The following SIRT2 variants were observed in gnomAD, a reference collection of about 807,000 sequenced individuals.
The protein encoded by SIRT2 is sirtuin 2.
SIRT2 carries 40 observed loss-of-function variants against 57.4 expected under a neutral mutation model. The ratio of observed to expected loss-of-function variants is 0.70; its 90% CI spans 0.54 to 0.91. The LOEUF (loss-of-function observed/expected upper bound fraction) is 0.91, where lower values mean the gene tolerates loss of function less well. Ranked by LOEUF, SIRT2 falls within the 40% of genes least tolerant of loss-of-function variation. SIRT2 has a pLI of 0.00. For missense variants in SIRT2, 439 were observed against 510.4 expected, an observed-to-expected ratio of 0.86 and a Z score of 1.35; for synonymous variants, 161 against 195.7, an observed-to-expected ratio of 0.82 and a Z score of 1.48.
chr19:38,895,040 C>T (rs967683527), intron 2 of SIRT2, among the ~76,000 whole-genome samples: 3 of 150,736 alleles, frequency 2.0e-5, no homozygotes, highest in African/African-American at 4.9e-5. Context: ...ACTGTCCCCC[C>T]CATCAGCCAG....
At position 38,880,447 on chromosome 19, in the gene SIRT2, T is replaced by A; in HGVS notation, c.876+238A>T. On this transcript the variant is annotated intron_variant, in intron 13 of 15. Coordinates refer to ENST00000249396, the MANE Select transcript of SIRT2 (RefSeq NM_012237.4). This position sits in a 1 kb window ranked among gnomAD's most constrained non-coding sequence, Gnocchi z 4.1. ...CACCCCCTCCCACCTCCTCAGTCCC[T>A]GGAAGCCCGGCCTTCCTATCTGGCT... is the stretch of plus-strand genomic sequence containing the variant. 1 of 405,094 alleles carries A rather than the reference T, an allele frequency of 2.5e-6. No individual in the cohort carries two copies. Among genetic ancestry groups the A allele is most frequent in the Non-Finnish European group, 4.4e-6 (1 of 226,692 alleles). 25.1% of individuals were successfully genotyped at this position (405,094 alleles called of 1,614,324 possible).
intron 9 of SIRT2, 66 bp from the exon 10 acceptor site, chr19:38,881,557 A>G (rs1043528264): frequency 1.8e-5 from 23 of 1,301,476 alleles, no homozygotes; most frequent in Non-Finnish European, 2.3e-5. Context: ...CTGGAGGTGC[A>G]GCACCCCCAC....
Position 38,879,294 on chromosome 19 carries a change from A to G in SIRT2, c.1031T>C (p.Leu344Pro), listed in dbSNP as rs778261733. 3.7e-6 allele frequency: 6 copies of G among 1,613,414 alleles called. No individual in the cohort carries two copies. The highest frequency in any genetic ancestry group is 5.1e-6 in the Non-Finnish European group (6 of 1,179,864). The part of the protein sequence containing the change: ...LLGWKKELED[L>P]VRREHASIDA... ...TATGCTGGCGTGCTCCCTCCGGACAAGGTCCTCCAGCTCCTTCTGCAGGAG... is the reference window on the plus strand; with the variant it reads ...TATGCTGGCGTGCTCCCTCCGGACAGGGTCCTCCAGCTCCTTCTGCAGGAG... Residue 344 changes from leucine to proline, a missense_variant, in exon 16 of 16, where the codon CTT (leucine) becomes CCT (proline). Coordinates refer to ENST00000249396, the MANE Select transcript of SIRT2 (RefSeq NM_012237.4).
At position 38,899,600 on chromosome 19, in the gene SIRT2, C is replaced by G. The variant is rs200568693; in HGVS notation, c.-79G>C. ...AACCACTGTGTCCCGTCACCGACTGCTCTGTCCTGTCACCGACTGCTCTGT... is the reference window on the plus strand; with the variant it reads ...AACCACTGTGTCCCGTCACCGACTGGTCTGTCCTGTCACCGACTGCTCTGT... On this transcript the variant is annotated 5_prime_UTR_variant, in exon 1 of 16. Transcript: ENST00000249396. 184 of 1,588,660 alleles carry G rather than the reference C, an allele frequency of 1.2e-4. No homozygotes were observed. The highest frequency in any genetic ancestry group is 1.6e-4 in the Non-Finnish European group (181 of 1,157,612).
In SIRT2 at chr19:38,898,413, A is replaced by G; in HGVS notation, c.29T>C (p.Leu10Pro). MAEPDPSHP[L>P]ETQAGKVQEA... ...CTGCACCTTCCCTGCCTGGGTCTCCAGAGGGTGAGAGGCTGGGGGAGGGGA... is the reference window on the plus strand; with the variant it reads ...CTGCACCTTCCCTGCCTGGGTCTCCGGAGGGTGAGAGGCTGGGGGAGGGGA... Residue 10 changes from leucine (L) to proline (P), a missense_variant, in exon 2 of 16, where the codon CTG becomes CCG. Leu to Pro is a moderately conservative substitution (Grantham distance 98). Coordinates refer to ENST00000249396, the MANE Select transcript of SIRT2 (RefSeq NM_012237.4). The G allele has an allele frequency of 1.3e-6, 2 of 1,549,810 alleles. No individual in the cohort carries two copies. The highest frequency in any genetic ancestry group is 1.8e-6 in the Non-Finnish European group (2 of 1,139,378).
At chr19:38,894,957 A>G in intron 2 of SIRT2, 1 of 454,242 alleles carries the variant, frequency 2.2e-6, no homozygotes, top group Admixed American at 2.4e-5. Flanking sequence ...TCTCACTCCT[A>G]CTATGTCCCA....
intron 15 of SIRT2, 47 bp from the exon 16 acceptor site, chr19:38,879,357 G>T: frequency 6.2e-7 from 1 of 1,609,032 alleles, no homozygotes. Flanking sequence ...GTGCATCATG[G>T]GGTCAGAGGA....
At chr19:38,881,213 G>T in intron 10 of SIRT2, 58 bp from the exon 11 acceptor site, 1 of 1,556,142 alleles carries the variant, frequency 6.4e-7, no homozygotes, top group South Asian at 1.2e-5. Flanking sequence ...AGAGAGGACA[G>T]GTGGGAGCAA....
At chr19:38,891,473 C>T (rs980153031) in intron 4 of SIRT2, among the ~76,000 whole-genome samples, 3 of 152,048 alleles carry the variant, frequency 2.0e-5, no homozygotes, top group Non-Finnish European at 2.9e-5. Flanking sequence ...CGCTTGAACC[C>T]GGGAGGCAGA....
At chr19:38,884,961 A>G (rs1973279581) in intron 8 of SIRT2, among the ~76,000 whole-genome samples, 1 of 151,884 alleles carries the variant, frequency 6.6e-6, no homozygotes, top group African/African-American at 2.4e-5. Context: ...CAGCCTCCCA[A>G]TGTGCTGGGA....
chr19:38,890,185 T>C, intron 4 of SIRT2, 41 bp from the exon 5 acceptor site: 2 of 1,609,986 alleles, frequency 1.2e-6, no homozygotes, highest in Non-Finnish European at 1.7e-6. Flanking sequence ...CACCGTTTGC[T>C]CAGTCCCTAC....
At position 38,899,576 on chromosome 19, in the gene SIRT2, A is replaced by G; in HGVS notation, c.-55T>C. 6.2e-7 allele frequency: 1 copy of G among 1,612,470 alleles called. No homozygotes were observed. The highest frequency in any genetic ancestry group is 8.5e-7 in the Non-Finnish European group (1 of 1,178,912). On this transcript the variant is annotated 5_prime_UTR_variant, in exon 1 of 16. Transcript: ENST00000249396. ...CACCGACCGCTCTGTCCCGTCACCA[A>G]CCACTGTGTCCCGTCACCGACTGCT...
chr19:38,878,923 C>G lies in SIRT2; in HGVS notation c.*232G>C, dbSNP rs1481028105. 1 of 503,822 alleles carries G rather than the reference C, an allele frequency of 2.0e-6. No homozygotes were observed. The highest frequency in any genetic ancestry group is 3.5e-6 in the Non-Finnish European group (1 of 289,126). 31.2% of individuals were successfully genotyped at this position (503,822 alleles called of 1,614,324 possible). On this transcript the variant is annotated 3_prime_UTR_variant, in exon 16 of 16. Transcript: ENST00000249396. The stretch of plus-strand genomic sequence containing the variant: ...TCCTTAGCCCAGGAGTGGTTAGAGA[C>G]AGTGGGGCTGGTAGAGATGCCTGTT...
chr19:38,881,250 G>T, intron 10 of SIRT2, 95 bp from the exon 11 acceptor site: 1 of 1,315,688 alleles, frequency 7.6e-7, no homozygotes, highest in African/African-American at 1.5e-5. Context: ...CACAGTGGGA[G>T]TTGGGAGCAG....
chr19:38,899,200 C>T (rs17886226), intron 1 of SIRT2, among the ~76,000 whole-genome samples: 3,495 of 152,088 alleles, frequency 0.023, 146 homozygotes, highest in African/African-American at 0.079. Flanking sequence ...AATCAGGTAC[C>T]CATAGCAAGC....
rs1166630978 is a variant in SIRT2 at position 38,883,708 on chromosome 19, C to T, written c.550G>A (p.Val184Met). Residue 184 changes from valine to methionine, a missense_variant, in exon 9 of 16, where the codon GTG becomes ATG. By Grantham distance (21) the Val-to-Met change is conservative. Coordinates refer to ENST00000249396, the MANE Select transcript of SIRT2 (RefSeq NM_012237.4). ...RIAGLEQEDL[V>M]EAHGTFYTSH... ...GTGTAGAAGGTGCCGTGCGCCTCCA[C>T]CAAGTCCTCCTGTTCCAGCCCGGCT... is the stretch of plus-strand genomic sequence containing the variant. 1 of 1,614,124 alleles carries T rather than the reference C, an allele frequency of 6.2e-7. No homozygotes were observed. The highest frequency in any genetic ancestry group is 2.2e-5 in the East Asian group (1 of 44,862).
rs139357839 is a variant in SIRT2 at position 38,893,470 on chromosome 19, C to A, written c.170G>T (p.Arg57Leu). Reference sequence around the variant, plus strand: ...TTCCAAGGTCAGCTCGTCCAGCAGACGCTCCTTCTGGCTGCCCAGGCTGAG... The same window carrying A: ...TTCCAAGGTCAGCTCGTCCAGCAGAAGCTCCTTCTGGCTGCCCAGGCTGAG... ...QTLSLGSQKE[R>L]LLDELTLEGV... is the part of the protein sequence containing the mutation. The change falls in exon 4 of 16, where the codon CGT (arginine) becomes CTT (leucine). Residue 57 changes from arginine to leucine, a missense_variant. By Grantham distance (102) the Arg-to-Leu change is moderately radical (BLOSUM62 -2). Transcript: ENST00000249396. 1 of 1,613,876 alleles carries A rather than the reference C, an allele frequency of 6.2e-7. No homozygotes were observed. Among genetic ancestry groups the A allele is most frequent in the Non-Finnish European group, 8.5e-7 (1 of 1,179,952 alleles).
chr19:38,898,787 G>T, intron 1 of SIRT2: 1 of 214,588 alleles, frequency 4.7e-6, no homozygotes, highest in Non-Finnish European at 9.3e-6. Flanking sequence ...TTCTGGCCCT[G>T]ACTTACTTTC....
chr19:38,886,510 G>A (rs1047732474), intron 8 of SIRT2, among the ~76,000 whole-genome samples: 2 of 150,268 alleles, frequency 1.3e-5, no homozygotes, highest in Non-Finnish European at 2.9e-5. Flanking sequence ...CTGGAGTACA[G>A]TAGCTTGATC....
Sources: gnomAD v4.1 joint callset for allele counts (sites outside exome capture counted in the v4.1 genomes callset) on GRCh38, gnomAD v4.1.1 for gene constraint, Gnocchi (gnomAD v3.1) non-coding constraint, MANE v1.5 for transcripts, NCBI Gene and HGNC (gene_info 2026-07-23, HGNC 2026-07-21) for gene names.